SMYD3: variants seen among roughly 807,000 people sequenced by gnomAD.
SMYD3 encodes the protein SET and MYND domain containing 3.
SMYD3 carries 36 observed loss-of-function variants against 57.7 expected under a neutral mutation model. The ratio of observed to expected loss-of-function variants is 0.62; its 90% CI spans 0.48 to 0.82. SMYD3 has a LOEUF of 0.82. SMYD3 is among the 40% of genes least tolerant of loss of function. The pLI, the probability that SMYD3 is intolerant of heterozygous loss-of-function variation, is 0.00. For missense variants in SMYD3, 515 were observed against 538.8 expected, an observed-to-expected ratio of 0.96 and a Z score of 0.44; for synonymous variants, 211 against 195.0, an observed-to-expected ratio of 1.08 and a Z score of -0.68.
chr1:246,082,375 G>A (rs191065543), intron 5 of SMYD3, among the ~76,000 whole-genome samples: 4 of 152,186 alleles, frequency 2.6e-5, no homozygotes, highest in African/African-American at 4.8e-5. Context: ...TTTTTCAGAC[G>A]TTAGCATGCT....
intron 5 of SMYD3, among the ~76,000 whole-genome samples, chr1:246,189,871 C>T (rs1285112334): frequency 6.6e-6 from 1 of 152,174 alleles, no homozygotes; most frequent in African/African-American, 2.4e-5. Flanking sequence ...TTTGTATGTG[C>T]TTAGGAGACA....
intron 5 of SMYD3, among the ~76,000 whole-genome samples, chr1:246,062,092 C>T (rs756646740): frequency 2.6e-5 from 4 of 152,156 alleles, no homozygotes; most frequent in East Asian, 3.8e-4. Context: ...GCAGCACAAA[C>T]GAATCCCACA....
chr1:246,405,086 G>A (rs1025827542), intron 1 of SMYD3, among the ~76,000 whole-genome samples: 7 of 151,908 alleles, frequency 4.6e-5, no homozygotes, highest in Admixed American at 2.6e-4. Flanking sequence ...CAAGTAGCTG[G>A]GACTACAGGT....
In SMYD3 at chr1:246,337,491, G is replaced by GT. The variant is rs1232004107; in HGVS notation, c.229-2018dup. 2.6e-5 allele frequency among the ~76,000 whole-genome samples: 4 copies of GT among 152,000 alleles called. No homozygotes were observed. The South Asian group carries it at 8.3e-4, about 32-fold the overall frequency. ...AGAAACAAGAATGTTAACTTTTTTG[G>GT]TTTTTTACTGATAGAAGGGAGAACC... On this transcript the variant is annotated intron_variant, in intron 2 of 11. Coordinates refer to ENST00000490107, the MANE Select transcript of SMYD3 (RefSeq NM_001167740.2).
intron 1 of SMYD3, among the ~76,000 whole-genome samples, chr1:246,383,554 G>C (rs536410528): frequency 2.0e-5 from 3 of 152,276 alleles, no homozygotes; most frequent in African/African-American, 7.2e-5. Context: ...CAATTATTTT[G>C]GATATGAAGC....
At chr1:245,785,709 G>A (rs1230638843) in intron 10 of SMYD3, among the ~76,000 whole-genome samples, 2 of 151,988 alleles carry the variant, frequency 1.3e-5, no homozygotes, top group East Asian at 1.9e-4. Flanking sequence ...AAGAGAGAGC[G>A]AGAGACAGGC....
rs376597988 is a variant in SMYD3, at chr1:246,177,592, T to C, written c.531+149609A>G. ...AACAGCAAAAAAGAACAAAGGTAGG[T>C]ATATTAAATGAGCAAGGAAGGAGTG... is the stretch of plus-strand genomic sequence containing the variant. On this transcript the variant is annotated intron_variant, in intron 5 of 11. Coordinates refer to ENST00000490107, the MANE Select transcript of SMYD3 (RefSeq NM_001167740.2). 1.0e-3 allele frequency among the ~76,000 whole-genome samples: 155 copies of C among 152,082 alleles called. 1 individual carries two copies. The highest frequency in any genetic ancestry group is 3.3e-3 in the African/African-American group (136 of 41,476).
In SMYD3 at chr1:246,203,874, C is replaced by G. The variant is rs1435821394; in HGVS notation, c.531+123327G>C. ...ACAACCCACTCCTAGTCCAGATCTTCCCCCTGTCCTATCTAGCTGCTTCCC... is the reference window on the plus strand; with the variant it reads ...ACAACCCACTCCTAGTCCAGATCTTGCCCCTGTCCTATCTAGCTGCTTCCC... On this transcript the variant is annotated intron_variant, in intron 5 of 11. Coordinates refer to ENST00000490107, the MANE Select transcript of SMYD3 (RefSeq NM_001167740.2). The surrounding 1 kb of genome is among the most constrained non-coding windows in gnomAD (Gnocchi z 4.6). Among the ~76,000 whole-genome samples the G allele has an allele frequency of 6.6e-6, 1 of 152,184 alleles. No homozygotes were observed. Among genetic ancestry groups the G allele is most frequent in the Non-Finnish European group, 1.5e-5 (1 of 68,034 alleles).
chr1:246,167,063 T>C (rs540633135), intron 5 of SMYD3, among the ~76,000 whole-genome samples: 12 of 152,342 alleles, frequency 7.9e-5, no homozygotes, highest in African/African-American at 2.6e-4. Context: ...CTGGCTCCCT[T>C]CATTAAGCAT....
intron 1 of SMYD3, among the ~76,000 whole-genome samples, chr1:246,432,997 A>G (rs886932872): frequency 6.6e-6 from 1 of 152,220 alleles, no homozygotes; most frequent in African/African-American, 2.4e-5. Flanking sequence ...AGGAAGAAAT[A>G]AAAGGCATCC....
chr1:245,833,399 T>A (rs1428304031), intron 10 of SMYD3, among the ~76,000 whole-genome samples: 1 of 152,252 alleles, frequency 6.6e-6, no homozygotes. Context: ...AGTTTCTCAA[T>A]CTTTTCTTGA....
At chr1:246,106,199 G>C (rs1034079771) in intron 5 of SMYD3, among the ~76,000 whole-genome samples, 4 of 152,122 alleles carry the variant, frequency 2.6e-5, no homozygotes, top group Non-Finnish European at 5.9e-5. Context: ...AAATACTCCT[G>C]ATACTTCTTG....
intron 10 of SMYD3, among the ~76,000 whole-genome samples, chr1:245,812,391 C>T (rs927144174): frequency 3.3e-5 from 5 of 152,174 alleles, no homozygotes; most frequent in Non-Finnish European, 7.4e-5. Flanking sequence ...CCTTCCCCTA[C>T]TACCAGGCAC....
Position 246,225,321 on chromosome 1 carries a change from C to CAAAAAAAAAAAAAAA in SMYD3, c.531+101865_531+101879dup, listed in dbSNP as rs60915002. Among the ~76,000 whole-genome samples, 188 of 76,262 alleles carry CAAAAAAAAAAAAAAA rather than the reference C, an allele frequency of 2.5e-3. 36 individuals are homozygous for CAAAAAAAAAAAAAAA. Among genetic ancestry groups the CAAAAAAAAAAAAAAA allele is most frequent in the Non-Finnish European group, 3.2e-3 (106 of 33,444 alleles). 50.0% of individuals were successfully genotyped at this position (76,262 alleles called of 152,430 possible). A position where few individuals can be genotyped will look rare whatever the true frequency, so the allele number is the denominator to read the frequency against. On this transcript the variant is annotated intron_variant, in intron 5 of 11. Transcript: ENST00000490107. Reference sequence around the variant, plus strand: ...GTTATGTGGAAGACTGCTGAAAAGTCAAAAAAAAAAAAAAAAAAAAAAAAA... The same window carrying CAAAAAAAAAAAAAAA: ...GTTATGTGGAAGACTGCTGAAAAGTCAAAAAAAAAAAAAAAAAAAAAAAAAAAAAAAAAAAAAAAA...
At chr1:246,405,006 C>G (rs1385718767) in intron 1 of SMYD3, among the ~76,000 whole-genome samples, 1 of 152,110 alleles carries the variant, frequency 6.6e-6, no homozygotes, top group Admixed American at 6.5e-5. Context: ...GGCTGAAGTG[C>G]AATAGTGCAA....
chr1:245,947,526 T>A, intron 5 of SMYD3: 1 of 412,192 alleles, frequency 2.4e-6, no homozygotes, highest in South Asian at 1.7e-5. Flanking sequence ...ATGTGTTAAA[T>A]GTGCCTGCAT....
chr1:246,194,776 T>C (rs1330703556), intron 5 of SMYD3, among the ~76,000 whole-genome samples: 1 of 152,228 alleles, frequency 6.6e-6, no homozygotes, highest in African/African-American at 2.4e-5. Flanking sequence ...GATTGCCATA[T>C]TGCACAACAA....
intron 5 of SMYD3, among the ~76,000 whole-genome samples, chr1:246,070,739 C>A (rs930842678): frequency 1.3e-5 from 2 of 152,130 alleles, no homozygotes; most frequent in African/African-American, 4.8e-5. Flanking sequence ...GTGCCCAGTC[C>A]TACTGGAGGA....
chr1:246,113,329 T>G (rs984019314), intron 5 of SMYD3, among the ~76,000 whole-genome samples: 4 of 152,182 alleles, frequency 2.6e-5, no homozygotes, highest in Admixed American at 2.6e-4. Context: ...TTTCGCTTAT[T>G]AGAATAAAAT....
Sources: allele counts gnomAD v4.1 joint callset (sites outside exome capture counted in the v4.1 genomes callset), GRCh38; gene constraint gnomAD v4.1.1; non-coding constraint Gnocchi (gnomAD v3.1); transcripts MANE v1.5; gene names NCBI Gene and HGNC (gene_info 2026-07-23, HGNC 2026-07-21).